CD1B: variants seen among roughly 807,000 people sequenced by gnomAD.
The protein encoded by CD1B is CD1b molecule, also known as T-cell surface glycoprotein CD1b.
A neutral mutation model predicts 39.8 loss-of-function variants in CD1B; 43 were observed. That is an observed-to-expected ratio of 1.08 (90% confidence interval 0.85 to 1.39). The LOEUF (loss-of-function observed/expected upper bound fraction) is 1.39, where lower values mean the gene tolerates loss of function less well. Among genes scored for constraint, CD1B ranks in the 40% most tolerant of loss-of-function variants. CD1B has a pLI of 0.00. For missense variants in CD1B, 495 were observed against 403.8 expected (o/e 1.23, Z -1.94); for synonymous variants, 192 against 152.5 (o/e 1.26, Z -1.91).
the CD1B span, chr1:158,292,872 G>T: frequency 6.2e-7 from 1 of 1,613,636 alleles, no homozygotes. Context: ...ATCCTCTACT[G>T]GGGTAAGACT....
the CD1B span, among the ~76,000 whole-genome samples, chr1:158,294,726 G>A: frequency 1.3e-5 from 2 of 152,100 alleles, no homozygotes; most frequent in Non-Finnish European, 2.9e-5. Flanking sequence ...GCTTAAACTT[G>A]TATTTTCTAT....
chr1:158,302,451 A>C, the CD1B span, among the ~76,000 whole-genome samples: 5 of 152,266 alleles, frequency 3.3e-5, no homozygotes, highest in Non-Finnish European at 7.4e-5. Context: ...AGCTGAACTA[A>C]ATAAAACTGA....
downstream of CD1B, among the ~76,000 whole-genome samples, chr1:158,326,269 G>A (rs1007375139): frequency 1.3e-5 from 2 of 152,114 alleles, no homozygotes; most frequent in Non-Finnish European, 2.9e-5. Context: ...ACCATGCCCG[G>A]CCCACAAATC....
intron 2 of CD1B, 26 bp from the exon 3 acceptor site, chr1:158,330,156 T>A (rs928004896): frequency 1.2e-5 from 18 of 1,560,604 alleles, no homozygotes; most frequent in Non-Finnish European, 1.6e-5. Flanking sequence ...AGAGAGCAAG[T>A]TATTAAACAC....
At chr1:158,314,885 C>A in the CD1B span, among the ~76,000 whole-genome samples, 4 of 148,554 alleles carry the variant, frequency 2.7e-5, no homozygotes, top group Admixed American at 6.8e-5. Context: ...CAATTCCCAC[C>A]TATGAGTGAG....
chr1:158,312,521 T>G, the CD1B span, among the ~76,000 whole-genome samples: 1 of 152,202 alleles, frequency 6.6e-6, no homozygotes, highest in Non-Finnish European at 1.5e-5. Context: ...TTTTTGTCCT[T>G]TTCAATTTCT....
At chr1:158,293,143 A>C in the CD1B span, 1 of 1,237,524 alleles carries the variant, frequency 8.1e-7, no homozygotes, top group Admixed American at 1.9e-5. Flanking sequence ...TAAGTAAGGA[A>C]ATCAATAGAT....
chr1:158,331,235 T>A, intron 1 of CD1B, 128 bp downstream of exon 1: 1 of 1,086,006 alleles, frequency 9.2e-7, no homozygotes, highest in East Asian at 2.4e-5. Context: ...ACCACCAGAA[T>A]GGTTGAAGAG....
chr1:158,320,211 G>C, the CD1B span, among the ~76,000 whole-genome samples: 1 of 152,196 alleles, frequency 6.6e-6, no homozygotes, highest in Non-Finnish European at 1.5e-5. Flanking sequence ...TGGCTGCTTT[G>C]TTTACCTAAG....
At chr1:158,286,750 T>C in the CD1B span, among the ~76,000 whole-genome samples, 1 of 152,188 alleles carries the variant, frequency 6.6e-6, no homozygotes, top group African/African-American at 2.4e-5. Context: ...TTTCTAGGTA[T>C]CTATTTGAAT....
chr1:158,286,868 C>G, the CD1B span, among the ~76,000 whole-genome samples: 1 of 152,038 alleles, frequency 6.6e-6, no homozygotes, highest in Non-Finnish European at 1.5e-5. Flanking sequence ...CTTAATCTTT[C>G]CTCTGAAAAC....
the CD1B span, among the ~76,000 whole-genome samples, chr1:158,288,981 T>C: frequency 1.3e-5 from 2 of 152,204 alleles, no homozygotes; most frequent in Non-Finnish European, 2.9e-5. Flanking sequence ...ATGAGTCCTC[T>C]TGAAAAGCTG....
At chr1:158,308,719 C>G in the CD1B span, among the ~76,000 whole-genome samples, 9 of 152,056 alleles carry the variant, frequency 5.9e-5, no homozygotes, top group African/African-American at 2.2e-4. Flanking sequence ...TGACAAAAAC[C>G]AGCAATGGGG....
chr1:158,326,811 T>TTATTATTATTA (rs1417744937), downstream of CD1B, among the ~76,000 whole-genome samples: 1 of 145,146 alleles, frequency 6.9e-6, no homozygotes, highest in African/African-American at 2.8e-5. Flanking sequence ...TATTATTATT[T>TTATTATTATTA]TTGGAGACAG....
the CD1B span, among the ~76,000 whole-genome samples, chr1:158,310,630 C>A: frequency 1.3e-5 from 2 of 151,982 alleles, no homozygotes; most frequent in South Asian, 2.1e-4. Flanking sequence ...AAAACCACAA[C>A]CTCCTTAAAA....
the CD1B span, among the ~76,000 whole-genome samples, chr1:158,321,318 A>G: frequency 1.3e-5 from 2 of 152,198 alleles, no homozygotes; most frequent in Non-Finnish European, 2.9e-5. Flanking sequence ...TGATATAAGT[A>G]TAGCTACTTC....
At chr1:158,291,319 G>C in the CD1B span, 33 of 1,614,130 alleles carry the variant, frequency 2.0e-5, no homozygotes, top group Non-Finnish European at 2.6e-5. Context: ...AGAGTTGTCA[G>C]ACCTAGAGTT....
Position 158,328,926 on chromosome 1 carries a change from C to A in CD1B, c.975G>T (p.Arg325Ser). Residue 325 changes from arginine (R) to serine (S), a missense_variant, in exon 5 of 6, where the codon AGG becomes AGT. By Grantham distance (110) the Arg-to-Ser change is moderately radical (BLOSUM62 -1). Transcript: ENST00000368168. ...CAACACCACCCACAACTCACCGGCG[C>A]CTCATATACCATAATGCAAGGCATA... Reference protein sequence around the residue: ...LLLCLALWYMRRRSYQNIP With the variant: ...LLLCLALWYMSRRSYQNIP The A allele has an allele frequency of 6.2e-7, 1 of 1,604,196 alleles. No homozygotes were observed. The highest frequency in any genetic ancestry group is 8.5e-7 in the Non-Finnish European group (1 of 1,176,620).
the CD1B span, among the ~76,000 whole-genome samples, chr1:158,309,489 C>G: frequency 2.6e-5 from 4 of 151,958 alleles, no homozygotes; most frequent in African/African-American, 9.7e-5. Flanking sequence ...GGTTATATAC[C>G]CAAAGGATTA....
Sources: allele counts gnomAD v4.1 joint callset (sites outside exome capture counted in the v4.1 genomes callset), GRCh38; gene constraint gnomAD v4.1.1; transcripts MANE v1.5; gene names NCBI Gene and HGNC (gene_info 2026-07-23, HGNC 2026-07-21).